DLGAP2: variants seen among roughly 807,000 people sequenced by gnomAD.
DLGAP2 encodes disks large-associated protein 2.
DLGAP2 carries 26 observed loss-of-function variants against 100.3 expected under a neutral mutation model. The ratio of observed to expected loss-of-function variants is 0.26; its 90% CI spans 0.19 to 0.36. The LOEUF (loss-of-function observed/expected upper bound fraction) is 0.36, where lower values mean the gene tolerates loss of function less well. Ranked by LOEUF, DLGAP2 falls within the 10% of genes least tolerant of loss-of-function variation. The pLI, the probability that DLGAP2 is intolerant of heterozygous loss-of-function variation, is 1.00. For missense variants in DLGAP2, 1,858 were observed against 1,453.2 expected (o/e 1.28, Z -4.53); for synonymous variants, 886 against 630.1 (o/e 1.41, Z -6.08).
intron 2 of DLGAP2, among the ~76,000 whole-genome samples, chr8:1,120,150 C>G (rs1164391207): frequency 1.3e-5 from 2 of 152,152 alleles, no homozygotes; most frequent in East Asian, 3.9e-4. Flanking sequence ...GGACGTAACC[C>G]TACTGAGAGT....
At chr8:1,392,092 A>G (rs1796372448) in intron 3 of DLGAP2, among the ~76,000 whole-genome samples, 1 of 152,198 alleles carries the variant, frequency 6.6e-6, no homozygotes, top group Admixed American at 6.5e-5. Flanking sequence ...TAGGACTGAG[A>G]GCATGAAGAA....
intron 3 of DLGAP2, among the ~76,000 whole-genome samples, chr8:1,473,747 C>A (rs929216493): frequency 6.6e-6 from 1 of 152,156 alleles, no homozygotes; most frequent in Admixed American, 6.5e-5. Flanking sequence ...GGGTGGGTCC[C>A]TCCATACTGT....
chr8:772,249 C>A (rs886950513), intron 1 of DLGAP2, among the ~76,000 whole-genome samples: 3 of 152,064 alleles, frequency 2.0e-5, no homozygotes, highest in African/African-American at 7.3e-5. Context: ...AAAGTAAAAA[C>A]AGGCAAAATC....
intron 2 of DLGAP2, among the ~76,000 whole-genome samples, chr8:985,518 CA>C: frequency 6.6e-6 from 1 of 152,128 alleles, no homozygotes; most frequent in Non-Finnish European, 1.5e-5. Context: ...AGTTGCTTAG[CA>C]AGTATATGTG....
rs528483140 is a variant in DLGAP2 at position 812,387 on chromosome 8, C to A, written c.18+74562C>A. ...GGTGTCTGCGGGAAGTCCCTGCCTC[C>A]CAGCCTCTTGTGTACGGCTTCTCCC... On this transcript the variant is annotated intron_variant, in intron 1 of 14. Coordinates refer to ENST00000637795, the MANE Select transcript of DLGAP2 (RefSeq NM_001346810.2). Among the ~76,000 whole-genome samples the A allele has an allele frequency of 4.6e-5, 7 of 152,288 alleles. No individual in the cohort carries two copies. The South Asian group carries it at 1.4e-3, about 32-fold the overall frequency.
chr8:1,272,862 TG>T (rs1414165689), intron 3 of DLGAP2, among the ~76,000 whole-genome samples: 1 of 152,112 alleles, frequency 6.6e-6, no homozygotes, highest in African/African-American at 2.4e-5. Flanking sequence ...GTAGAGGCTT[TG>T]GGGGCAGAAG....
At chr8:1,136,440 G>A (rs948006118) in intron 2 of DLGAP2, among the ~76,000 whole-genome samples, 2 of 152,172 alleles carry the variant, frequency 1.3e-5, no homozygotes, top group South Asian at 2.1e-4. Flanking sequence ...ACAGCTCTCT[G>A]GCTCCCCATA....
At chr8:1,430,951 C>G (rs1041901667) in intron 3 of DLGAP2, among the ~76,000 whole-genome samples, 2 of 152,156 alleles carry the variant, frequency 1.3e-5, no homozygotes, top group Non-Finnish European at 2.9e-5. Flanking sequence ...GGGTTCTGGG[C>G]AAGTCATTAC....
intron 1 of DLGAP2, among the ~76,000 whole-genome samples, chr8:881,442 A>G (rs1797789019): frequency 6.6e-6 from 1 of 151,918 alleles, no homozygotes; most frequent in Admixed American, 6.6e-5. Flanking sequence ...CACCAATAGA[A>G]ATAAATGCAA....
intron 4 of DLGAP2, among the ~76,000 whole-genome samples, chr8:1,536,933 G>A (rs1478652874): frequency 6.6e-6 from 1 of 152,084 alleles, no homozygotes; most frequent in African/African-American, 2.4e-5. Context: ...TGCGGGCCTG[G>A]CATGGTCTAG....
chr8:1,301,882 GA>G, intron 3 of DLGAP2: 1 of 152,470 alleles, frequency 6.6e-6, no homozygotes, highest in Middle Eastern at 3.3e-3. Context: ...AACACAACAC[GA>G]CATTTGCCGC....
chr8:981,819 C>T (rs1056139537), intron 2 of DLGAP2, among the ~76,000 whole-genome samples: 4 of 152,202 alleles, frequency 2.6e-5, no homozygotes, highest in African/African-American at 9.6e-5. Flanking sequence ...ATATTAATCT[C>T]TTCTCAGATG....
chr8:782,474 A>G (rs1272979494), intron 1 of DLGAP2, among the ~76,000 whole-genome samples: 1 of 152,076 alleles, frequency 6.6e-6, no homozygotes, highest in African/African-American at 2.4e-5. Flanking sequence ...TTTCATGTGG[A>G]TCAGTATTTT....
At chr8:1,655,201 G>A (rs892423770) in intron 8 of DLGAP2, among the ~76,000 whole-genome samples, 14 of 152,226 alleles carry the variant, frequency 9.2e-5, no homozygotes, top group African/African-American at 3.4e-4. Context: ...TGTGGGATGT[G>A]ACTTCTGTGT....
At chr8:1,237,437 A>C (rs1446181458) in intron 2 of DLGAP2, among the ~76,000 whole-genome samples, 20 of 125,444 alleles carry the variant, frequency 1.6e-4, no homozygotes, top group African/African-American at 6.4e-4. Context: ...TAGTTCTCTC[A>C]CATGGCGCCG....
At chr8:1,270,935 C>A (rs968713655) in intron 3 of DLGAP2, among the ~76,000 whole-genome samples, 2 of 152,118 alleles carry the variant, frequency 1.3e-5, no homozygotes, top group South Asian at 4.1e-4. Context: ...CGTTGACCTG[C>A]TACTTAGTAA....
At chr8:935,928 G>T (rs1799060418) in intron 2 of DLGAP2, among the ~76,000 whole-genome samples, 1 of 152,180 alleles carries the variant, frequency 6.6e-6, no homozygotes, top group Non-Finnish European at 1.5e-5. Context: ...TTGGAGAGCT[G>T]CATAAGAGTG....
At position 1,111,269 on chromosome 8, in the gene DLGAP2, G is replaced by C. The variant is rs146989039; in HGVS notation, c.74-147582G>C. Among the ~76,000 whole-genome samples, 247 of 152,302 alleles carry C rather than the reference G, an allele frequency of 1.6e-3. 1 individual carries two copies. The highest frequency in any genetic ancestry group is 3.2e-3 in the Non-Finnish European group (219 of 68,024). ...CGCTCCCAGAGTGATGGCAGAAATC[G>C]TCTTCCCTCAGCTCCCGGAAGACCC... On this transcript the variant is annotated intron_variant, in intron 2 of 14. Transcript: ENST00000637795.
At chr8:1,342,358 C>G (rs181836912) in intron 3 of DLGAP2, among the ~76,000 whole-genome samples, 1 of 152,090 alleles carries the variant, frequency 6.6e-6, no homozygotes, top group Non-Finnish European at 1.5e-5. Context: ...ACAGATGATG[C>G]GTTTAATTTG....
Sources: gnomAD v4.1 joint callset for allele counts (sites outside exome capture counted in the v4.1 genomes callset) on GRCh38, gnomAD v4.1.1 for gene constraint, MANE v1.5 for transcripts, NCBI Gene and HGNC (gene_info 2026-07-23, HGNC 2026-07-21) for gene names.